TRAPPC9: variants seen among roughly 807,000 people sequenced by gnomAD.
TRAPPC9 encodes IKK2 binding protein.
A neutral mutation model predicts 124.0 loss-of-function variants in TRAPPC9; 83 were observed. The observed-to-expected ratio is 0.67, with a 90% CI of 0.56 to 0.80. The LOEUF (loss-of-function observed/expected upper bound fraction) is 0.80. Among genes scored for constraint, TRAPPC9 ranks in the 30% least tolerant of loss-of-function variants. TRAPPC9 has a pLI of 0.00. For missense variants in TRAPPC9, 1,302 were observed against 1,508.3 expected, an observed-to-expected ratio of 0.86 and a Z score of 2.27; for synonymous variants, 638 against 617.5, an observed-to-expected ratio of 1.03 and a Z score of -0.49.
intron 19 of TRAPPC9, among the ~76,000 whole-genome samples, chr8:139,980,577 T>C (rs1587402752): frequency 6.6e-6 from 1 of 152,222 alleles, no homozygotes; most frequent in African/African-American, 2.4e-5. Flanking sequence ...GGCTGGCCAC[T>C]GGCCATGCAT....
intron 18 of TRAPPC9, 88 bp from the exon 19 acceptor site, chr8:139,988,924 C>G (rs1837444705): frequency 1.1e-6 from 1 of 924,784 alleles, no homozygotes; most frequent in Non-Finnish European, 1.7e-6. Context: ...AGACTTCCCA[C>G]CACTTAAGAA....
intron 7 of TRAPPC9, among the ~76,000 whole-genome samples, chr8:140,393,730 T>G (rs1167619955): frequency 6.6e-6 from 1 of 152,212 alleles, no homozygotes; most frequent in Non-Finnish European, 1.5e-5. Flanking sequence ...CAGGAATAGA[T>G]ACAACTCATC....
At chr8:140,445,414 A>G (rs1472943533) in intron 2 of TRAPPC9, among the ~76,000 whole-genome samples, 1 of 152,214 alleles carries the variant, frequency 6.6e-6, no homozygotes, top group Non-Finnish European at 1.5e-5. Flanking sequence ...CAGGAGGTGG[A>G]GAGGACAGCC....
chr8:139,833,993 C>T lies in TRAPPC9; in HGVS notation c.3055+51886G>A, dbSNP rs75355667. Among the ~76,000 whole-genome samples the T allele has an allele frequency of 7.8e-3, 1,188 of 152,240 alleles. 13 individuals carry two copies. Among genetic ancestry groups the T allele is most frequent in the African/African-American group, 0.027 (1,130 of 41,534 alleles). On this transcript the variant is annotated intron_variant, in intron 21 of 22. Transcript: ENST00000438773. ...CCTGTGGCATGACCTGTGTGCAAAT[C>T]GCTACCCAACCCCTACCAGCCACGT...
intron 17 of TRAPPC9, among the ~76,000 whole-genome samples, chr8:140,177,283 T>C (rs2062091090): frequency 6.6e-6 from 1 of 152,226 alleles, no homozygotes; most frequent in Admixed American, 6.5e-5. Context: ...CTCTTATATT[T>C]AAGTCTATGA....
chr8:140,409,158 A>C (rs2069602395), intron 5 of TRAPPC9, among the ~76,000 whole-genome samples: 1 of 152,308 alleles, frequency 6.6e-6, no homozygotes, highest in Non-Finnish European at 1.5e-5. Context: ...AGAAAAAAAA[A>C]ATGGCCAAAA....
At chr8:139,771,671 G>A (rs138568550) in intron 21 of TRAPPC9, among the ~76,000 whole-genome samples, 51 of 152,340 alleles carry the variant, frequency 3.3e-4, no homozygotes, top group Non-Finnish European at 5.0e-4. Context: ...CGAGTGGTAG[G>A]CGCTGAGGAC....
chr8:140,318,779 A>G (rs80254564), intron 9 of TRAPPC9, among the ~76,000 whole-genome samples: 3,574 of 152,300 alleles, frequency 0.023, 135 homozygotes, highest in African/African-American at 0.08. Flanking sequence ...TCATCTGTTG[A>G]TGGACACAGC....
intron 17 of TRAPPC9, among the ~76,000 whole-genome samples, chr8:140,033,697 T>TTTTTTTG (rs1840696663): frequency 8.2e-6 from 1 of 122,228 alleles, no homozygotes; most frequent in South Asian, 2.5e-4. Flanking sequence ...TTTTTTTTTT[T>TTTTTTTG]TTGAGACAGA....
intron 21 of TRAPPC9, among the ~76,000 whole-genome samples, chr8:139,829,553 C>A (rs1257520009): frequency 6.6e-6 from 1 of 152,168 alleles, no homozygotes; most frequent in Non-Finnish European, 1.5e-5. Context: ...CGTCTGGATA[C>A]CCCCATCTGG....
Position 139,918,333 on chromosome 8 carries a change from C to T in TRAPPC9, c.2811-8033G>A, listed in dbSNP as rs138304539. Among the ~76,000 whole-genome samples, 3 of 152,348 alleles carry T rather than the reference C, an allele frequency of 2.0e-5. No individual in the cohort carries two copies. The East Asian group carries it at 5.8e-4, about 29-fold the overall frequency. On this transcript the variant is annotated intron_variant, in intron 19 of 22. Transcript: ENST00000438773. ...GCACTCTGCTTCCTCGATCTGTCAG[C>T]CTGGCTGGTCTCCCAGGGAGGGAAC...
At chr8:139,784,608 CATATATATATATATATATATATAT>C (rs34583867) in intron 21 of TRAPPC9, among the ~76,000 whole-genome samples, 50 of 88,656 alleles carry the variant, frequency 5.6e-4, no homozygotes, top group Non-Finnish European at 1.1e-3. Context: ...AAAAGACTGA[CATATATATATATATATATATATAT>C]ATATATATAT....
intron 21 of TRAPPC9, among the ~76,000 whole-genome samples, chr8:139,878,483 C>T (rs895337644): frequency 2.1e-5 from 2 of 96,948 alleles, no homozygotes; most frequent in Non-Finnish European, 4.4e-5. Context: ...GTGGAAGGAA[C>T]TCATATTTGA....
At chr8:140,438,386 C>G (rs746724393) in intron 3 of TRAPPC9, among the ~76,000 whole-genome samples, 21 of 152,166 alleles carry the variant, frequency 1.4e-4, no homozygotes, top group Non-Finnish European at 2.2e-4. Flanking sequence ...GCCCATACCA[C>G]ATTTCGTTTA....
intron 8 of TRAPPC9, among the ~76,000 whole-genome samples, chr8:140,363,233 T>G (rs142699670): frequency 8.3e-4 from 127 of 152,344 alleles, no homozygotes; most frequent in African/African-American, 3.0e-3. Flanking sequence ...AAATAAGATT[T>G]AAATGATACT....
intron 11 of TRAPPC9, among the ~76,000 whole-genome samples, chr8:140,291,662 A>T (rs1323570340): frequency 6.6e-6 from 1 of 152,254 alleles, no homozygotes; most frequent in Non-Finnish European, 1.5e-5. Flanking sequence ...TGTAAAACAA[A>T]GGTGGAAAGT....
chr8:140,186,697 C>T lies in TRAPPC9; in HGVS notation c.2556+34762G>A, dbSNP rs111855179. Among the ~76,000 whole-genome samples, 1,135 of 152,292 alleles carry T rather than the reference C, an allele frequency of 7.5e-3. 19 individuals are homozygous for T. The highest frequency in any genetic ancestry group is 0.026 in the African/African-American group (1,088 of 41,550). Reference sequence around the variant, plus strand: ...CAAATACGAGGTTTCTGCATCTCTTCATTACTCTTAATTAATTGAAGCAAG... The same window carrying T: ...CAAATACGAGGTTTCTGCATCTCTTTATTACTCTTAATTAATTGAAGCAAG... On this transcript the variant is annotated intron_variant, in intron 17 of 22. Transcript: ENST00000438773.
At chr8:140,453,776 C>CA (rs905041389) in intron 1 of TRAPPC9, among the ~76,000 whole-genome samples, 1 of 152,128 alleles carries the variant, frequency 6.6e-6, no homozygotes, top group African/African-American at 2.4e-5. Context: ...TTTCTGCACA[C>CA]AAAAACCACC....
chr8:140,009,829 A>C (rs1367965473), intron 18 of TRAPPC9, among the ~76,000 whole-genome samples: 3 of 152,236 alleles, frequency 2.0e-5, no homozygotes. Context: ...ATTCAAATAT[A>C]AGCTCTTTGA....
Sources: allele counts gnomAD v4.1 joint callset (sites outside exome capture counted in the v4.1 genomes callset), GRCh38; gene constraint gnomAD v4.1.1; transcripts MANE v1.5; gene names NCBI Gene and HGNC (gene_info 2026-07-23, HGNC 2026-07-21).